Variants in TPM4 observed in about 807,000 individuals in gnomAD.
The protein encoded by TPM4 is tropomyosin 4, also known as tropomyosin alpha-4 chain.
TPM4 carries 17 observed loss-of-function variants against 35.8 expected under a neutral mutation model. That is an observed-to-expected ratio of 0.47 (90% CI 0.32 to 0.71). The LOEUF is 0.71. TPM4 is among the 30% of genes least tolerant of loss of function. The pLI is 0.03. For synonymous variants in TPM4, 120 were observed against 122.9 expected (o/e 0.98, Z 0.15); for missense variants, 240 against 320.9 (o/e 0.75, Z 1.93).
intron 7 of TPM4, chr19:16,095,304 C>A: frequency 9.6e-7 from 1 of 1,036,450 alleles, no homozygotes; most frequent in Non-Finnish European, 1.2e-6. Context: ...AAGCTATCAG[C>A]GAGGAACTGG....
In TPM4 at chr19:16,101,916, C is replaced by T; in HGVS notation, c.*570C>T. The T allele has an allele frequency of 4.4e-6, 1 of 225,910 alleles. No homozygotes were observed. Among genetic ancestry groups the T allele is most frequent in the East Asian group, 6.4e-5 (1 of 15,672 alleles). The allele number at this position is 225,910 out of a possible 1,614,324, so 14.0% of individuals were successfully genotyped here. On this transcript the variant is annotated 3_prime_UTR_variant, in exon 8 of 8. Transcript: ENST00000643579. ...AGAATCCTGGCCCTTCTCCACTCTCCACCATGCAGGACAAACATCTTCTCA... is the reference window on the plus strand; with the variant it reads ...AGAATCCTGGCCCTTCTCCACTCTCTACCATGCAGGACAAACATCTTCTCA...
At chr19:16,088,667 G>A in intron 4 of TPM4, 1 of 1,044,732 alleles carries the variant, frequency 9.6e-7, no homozygotes. Flanking sequence ...TTCCCGGAGT[G>A]TCCCCTGCAA....
At chr19:16,093,162 T>C (rs1390072047) in intron 5 of TPM4, 3 of 187,462 alleles carry the variant, frequency 1.6e-5, no homozygotes. Context: ...GCCCTCCTTT[T>C]CTTTCTTTCT....
At chr19:16,079,612 C>CTT (rs1476071003) in intron 1 of TPM4, 1 of 223,258 alleles carries the variant, frequency 4.5e-6, no homozygotes, top group African/African-American at 2.2e-5. Context: ...CTTCCTGACT[C>CTT]TATTTGTGTA....
chr19:16,075,372 G>A (rs1327372892), upstream of TPM4: 3 of 152,098 alleles, frequency 2.0e-5, no homozygotes, highest in African/African-American at 7.2e-5. Context: ...AATGAACATG[G>A]CCTATATGCA....
At chr19:16,069,829 T>C (rs566160666) in intron 2 of TPM4, among the ~76,000 whole-genome samples, 79 of 152,190 alleles carry the variant, frequency 5.2e-4, no homozygotes, top group Admixed American at 1.7e-3. Context: ...TGAGTGTGTG[T>C]GTCAGTGACT....
chr19:16,076,250 G>T, upstream of TPM4: 1 of 1,541,402 alleles, frequency 6.5e-7, no homozygotes, highest in Non-Finnish European at 8.7e-7. Flanking sequence ...GAGAGCCGCA[G>T]GGGGAGGAGG....
At chr19:16,095,693 T>G (rs1041898167) in intron 7 of TPM4, 1 of 649,896 alleles carries the variant, frequency 1.5e-6, no homozygotes, top group Admixed American at 6.2e-5. Flanking sequence ...AAAAGCAAAC[T>G]GGGCATGTGC....
chr19:16,101,055 C>T, intron 7 of TPM4: 1 of 390,506 alleles, frequency 2.6e-6, no homozygotes, highest in Non-Finnish European at 4.9e-6. Context: ...TCTGTAATCC[C>T]AGCTACTCGG....
At chr19:16,084,684 C>G (rs2090525623) in intron 2 of TPM4, among the ~76,000 whole-genome samples, 1 of 152,162 alleles carries the variant, frequency 6.6e-6, no homozygotes, top group Admixed American at 6.5e-5. Context: ...CTGGCACTTT[C>G]TATGGAGCCT....
chr19:16,091,964 G>A (rs1333311788), intron 5 of TPM4, among the ~76,000 whole-genome samples: 1 of 151,632 alleles, frequency 6.6e-6, no homozygotes, highest in Non-Finnish European at 1.5e-5. Flanking sequence ...TCAGGAGTTC[G>A]AGAGCAGCCT....
At chr19:16,098,524 C>T (rs759870350) in intron 7 of TPM4, among the ~76,000 whole-genome samples, 45 of 152,138 alleles carry the variant, frequency 3.0e-4, no homozygotes, top group Non-Finnish European at 5.7e-4. Context: ...TGAGCCTTGT[C>T]GTGATTCTCA....
intron 3 of TPM4, among the ~76,000 whole-genome samples, chr19:16,087,581 GAATAAAAA>G (rs1268980388): frequency 2.0e-5 from 3 of 150,344 alleles, no homozygotes; most frequent in African/African-American, 7.3e-5. Flanking sequence ...TGTCTCAAAA[GAATAAAAA>G]AATAAAAAAG....
chr19:16,083,198 C>G (rs1291825076), intron 2 of TPM4, among the ~76,000 whole-genome samples: 1 of 152,186 alleles, frequency 6.6e-6, no homozygotes, highest in African/African-American at 2.4e-5. Flanking sequence ...AATCCCAGCA[C>G]TTTGCGATGA....
At chr19:16,083,750 T>C (rs1329979717) in intron 2 of TPM4, among the ~76,000 whole-genome samples, 1 of 145,530 alleles carries the variant, frequency 6.9e-6, no homozygotes, top group Non-Finnish European at 1.5e-5. Flanking sequence ...CTCCCAAAGA[T>C]TCATTTCTTT....
chr19:16,074,044 AC>A (rs2090381475), upstream of TPM4, among the ~76,000 whole-genome samples: 5 of 150,058 alleles, frequency 3.3e-5, no homozygotes, highest in Non-Finnish European at 7.4e-5. Flanking sequence ...ATACACACAC[AC>A]ACACATATGG....
chr19:16,088,672 C>T, intron 4 of TPM4: 1 of 1,052,706 alleles, frequency 9.5e-7, no homozygotes, highest in Non-Finnish European at 1.1e-6. Context: ...GGAGTGTCCC[C>T]TGCAAACTCC....
intron 1 of TPM4, chr19:16,077,928 AT>A (rs535439378): frequency 0.098 from 27,596 of 281,674 alleles, 118 homozygotes; most frequent in Middle Eastern, 0.15. Flanking sequence ...CGCCCAGCTA[AT>A]TTTTTTTTTT....
At chr19:16,076,039 G>C (rs376217822), upstream of TPM4, 135 of 1,562,360 alleles carry the variant, frequency 8.6e-5, no homozygotes, top group Non-Finnish European at 1.1e-4. Context: ...TCGCTCTGTC[G>C]TCCCCAGGTG....
Sources: gnomAD v4.1 joint callset for allele counts (sites outside exome capture counted in the v4.1 genomes callset) on GRCh38, gnomAD v4.1.1 for gene constraint, MANE v1.5 for transcripts, NCBI Gene and HGNC (gene_info 2026-07-23, HGNC 2026-07-21) for gene names.